Variants in PREPL observed in about 807,000 individuals in gnomAD.
The protein encoded by PREPL is prolyl endopeptidase like.
Under a neutral mutation model 70.6 loss-of-function variants are expected in PREPL, and 77 were observed. The ratio of observed to expected loss-of-function variants is 1.09; its 90% CI spans 0.91 to 1.32. The LOEUF (loss-of-function observed/expected upper bound fraction) is 1.32. PREPL is among the 40% of genes most tolerant of loss of function. The probability of loss-of-function intolerance (pLI) is 0.00; values close to 1 mark genes in which losing one functional copy is unlikely to be tolerated. For synonymous variants in PREPL, 315 were observed against 264.8 expected, an observed-to-expected ratio of 1.19 and a Z score of -1.84; for missense variants, 1,002 against 778.2, an observed-to-expected ratio of 1.29 and a Z score of -3.42.
At chr2:44,330,109 TA>T (rs1320239615) in intron 8 of PREPL, among the ~76,000 whole-genome samples, 2 of 152,232 alleles carry the variant, frequency 1.3e-5, no homozygotes, top group Non-Finnish European at 2.9e-5. Context: ...TCACTTTTAG[TA>T]AGATTCACTT....
intron 1 of PREPL, among the ~76,000 whole-genome samples, chr2:44,356,014 C>A (rs1289868278): frequency 6.6e-6 from 1 of 152,058 alleles, no homozygotes; most frequent in Non-Finnish European, 1.5e-5. Context: ...TGGATGGATG[C>A]TAGTCTTTGA....
chr2:44,330,945 T>C (rs1014284238), intron 8 of PREPL, among the ~76,000 whole-genome samples: 10 of 152,128 alleles, frequency 6.6e-5, no homozygotes, highest in African/African-American at 2.4e-4. Flanking sequence ...GCCTCCTTTA[T>C]ATTTGTTCTT....
At chr2:44,328,882 G>C (rs1222933291) in intron 9 of PREPL, 55 bp downstream of exon 9, 1 of 1,456,994 alleles carries the variant, frequency 6.9e-7, no homozygotes, top group East Asian at 2.3e-5. Flanking sequence ...TGTTATTCTT[G>C]ACATCTCTCA....
chr2:44,347,875 T>C (rs1027017885), intron 1 of PREPL, among the ~76,000 whole-genome samples: 82 of 152,132 alleles, frequency 5.4e-4, no homozygotes, highest in Non-Finnish European at 1.0e-3. Context: ...CAATCTAAAA[T>C]TAAACACAAG....
chr2:44,338,450 C>G lies in PREPL; in HGVS notation c.789G>C (p.Leu263Phe). ...TMKRNTKVIDLDMFKDHCVLF... is the reference protein window; with the variant it reads ...TMKRNTKVIDFDMFKDHCVLF... ...GAACACAGTGATCCTTAAACATGTC[C>G]AAGTCTATCACTTTTGTATTTCTCT... The change falls in exon 7 of 14, where the codon TTG (leucine) becomes TTC (phenylalanine). Residue 263 changes from leucine to phenylalanine, a missense_variant. By Grantham distance (22) the Leu-to-Phe change is conservative. Coordinates refer to ENST00000409411, the MANE Select transcript of PREPL (RefSeq NM_001171613.2). 6.2e-7 allele frequency: 1 copy of G among 1,612,770 alleles called. No homozygotes were observed. The highest frequency in any genetic ancestry group is 1.1e-5 in the South Asian group (1 of 90,918).
At chr2:44,358,982 T>C (rs1677352700) in intron 1 of PREPL, among the ~76,000 whole-genome samples, 1 of 152,016 alleles carries the variant, frequency 6.6e-6, no homozygotes, top group Admixed American at 6.6e-5. Flanking sequence ...CTGGCAGGCA[T>C]ACTAAGGAAG....
chr2:44,350,212 A>G (rs895638308), intron 1 of PREPL, among the ~76,000 whole-genome samples: 2 of 152,188 alleles, frequency 1.3e-5, no homozygotes, highest in African/African-American at 2.4e-5. Flanking sequence ...AAAGCACAAA[A>G]TAAGAACAGT....
In PREPL at chr2:44,318,211, CTCCCAAGTAGCT is replaced by C. The variant is rs1672598370; in HGVS notation, c.*3133_*3144del. The stretch of plus-strand genomic sequence containing the variant: ...GTTCAAGTGATTCTCCTGCTGCAGC[CTCCCAAGTAGCT>C]GGGATTACAGGTGCACGTCATTATG... On this transcript the variant is annotated 3_prime_UTR_variant, in exon 14 of 14. Coordinates refer to ENST00000409411, the MANE Select transcript of PREPL (RefSeq NM_001171613.2). 5.2e-6 allele frequency: 2 copies of C among 387,910 alleles called. No homozygotes were observed. The highest frequency in any genetic ancestry group is 3.2e-5 in the Admixed American group (1 of 31,134). 24.0% of individuals were successfully genotyped at this position (387,910 alleles called of 1,614,324 possible). A position where few individuals can be genotyped will look rare whatever the true frequency, so the allele number is the denominator to read the frequency against.
chr2:44,330,211 A>G (rs1395670659), intron 8 of PREPL, among the ~76,000 whole-genome samples: 1 of 152,204 alleles, frequency 6.6e-6, no homozygotes, highest in Non-Finnish European at 1.5e-5. Context: ...ACAATCAGAA[A>G]AAGTTGCTTG....
At position 44,322,761 on chromosome 2, in the gene PREPL, T is replaced by G; in HGVS notation, c.1723A>C (p.Ile575Leu). 1 of 1,613,946 alleles carries G rather than the reference T, an allele frequency of 6.2e-7. No homozygotes were observed. The highest frequency in any genetic ancestry group is 8.5e-7 in the Non-Finnish European group (1 of 1,179,822). The change falls in exon 12 of 14, where the codon ATC becomes CTC. Residue 575 changes from isoleucine to leucine, a missense_variant. Physicochemically the swap from Ile to Leu is conservative, Grantham distance 5. Coordinates refer to ENST00000409411, the MANE Select transcript of PREPL (RefSeq NM_001171613.2). ...VSYTEKLKEA[I>L]AEHAKDTGEG... Reference sequence around the variant, plus strand: ...CCTGTGTCCTTAGCATGCTCCGCGATGGCTTCCTTGAGTTTCTCAGTATAA... The same window carrying G: ...CCTGTGTCCTTAGCATGCTCCGCGAGGGCTTCCTTGAGTTTCTCAGTATAA...
intron 9 of PREPL, 58 bp from the exon 10 acceptor site, chr2:44,326,986 G>C (rs1301948353): frequency 2.1e-6 from 3 of 1,461,498 alleles, no homozygotes; most frequent in East Asian, 2.4e-5. Context: ...CTGTAGGCTG[G>C]GGTCAGCGAA....
intron 9 of PREPL, among the ~76,000 whole-genome samples, chr2:44,327,820 G>C (rs1221952502): frequency 6.6e-6 from 1 of 151,832 alleles, no homozygotes; most frequent in Admixed American, 6.6e-5. Flanking sequence ...CGGAGATTGC[G>C]CCACTGCACT....
chr2:44,320,603 T>C lies in PREPL; in HGVS notation c.*753A>G, dbSNP rs376270408. The C allele has an allele frequency of 1.4e-4, 233 of 1,613,918 alleles. No homozygotes were observed. The highest frequency in any genetic ancestry group is 2.3e-4 in the Admixed American group (14 of 59,998). ...GCTTTGTTTCCAATCGAGCATGCTA[T>C]TCCAGTGTACTGAACATACTGTATA... On this transcript the variant is annotated 3_prime_UTR_variant, in exon 14 of 14. Transcript: ENST00000409411.
chr2:44,353,310 G>A (rs1319123520), intron 1 of PREPL, among the ~76,000 whole-genome samples: 2 of 151,992 alleles, frequency 1.3e-5, no homozygotes, highest in African/African-American at 2.4e-5. Context: ...CAGGCCAGGC[G>A]CAGTGGCTCA....
intron 7 of PREPL, among the ~76,000 whole-genome samples, chr2:44,334,247 C>T (rs1200205191): frequency 6.6e-6 from 1 of 152,122 alleles, no homozygotes; most frequent in Non-Finnish European, 1.5e-5. Flanking sequence ...GATAGGGAGA[C>T]ATTCCTTAGA....
At position 44,334,850 on chromosome 2, in the gene PREPL, G is replaced by A. The variant is rs562916434; in HGVS notation, c.889-2194C>T. 3.3e-5 allele frequency among the ~76,000 whole-genome samples: 5 copies of A among 152,334 alleles called. No individual in the cohort carries two copies. The South Asian group carries it at 1.0e-3, about 32-fold the overall frequency. ...CTGCCTTGGTCTCCCAAAGTGCTGG[G>A]ATTACAGGCTGAGATTGAATTTAAA... On this transcript the variant is annotated intron_variant, in intron 7 of 13. Transcript: ENST00000409411.
At chr2:44,360,643 A>G (rs1410580296) in intron 1 of PREPL, 1 of 152,212 alleles carries the variant, frequency 6.6e-6, no homozygotes, top group African/African-American at 2.4e-5. Context: ...TAGCTCCTAC[A>G]CTTAACTGTG....
intron 5 of PREPL, among the ~76,000 whole-genome samples, chr2:44,340,539 T>G (rs961077762): frequency 2.6e-5 from 4 of 152,238 alleles, no homozygotes; most frequent in Non-Finnish European, 5.9e-5. Flanking sequence ...CATTACCATG[T>G]TTATTTGTCA....
Position 44,321,724 on chromosome 2 carries a change from T to A in PREPL, c.1827+103A>T, listed in dbSNP as rs775155527. On this transcript the variant is annotated intron_variant, in intron 13 of 13. Coordinates refer to ENST00000409411, the MANE Select transcript of PREPL (RefSeq NM_001171613.2). ...GGGTCTCACCCATAGATAGGACATT[T>A]GTGAAGTGGCTTTGTCATAAACCTG... The A allele has an allele frequency of 1.9e-6, 3 of 1,602,018 alleles. No homozygotes were observed. In the African/African-American group the frequency reaches 4.0e-5, roughly 21 times the overall value.
Sources: allele counts gnomAD v4.1 joint callset (sites outside exome capture counted in the v4.1 genomes callset), GRCh38; gene constraint gnomAD v4.1.1; transcripts MANE v1.5; gene names NCBI Gene and HGNC (gene_info 2026-07-23, HGNC 2026-07-21).